Variants in RIPK4 observed in about 807,000 individuals in gnomAD.
RIPK4 encodes the protein receptor interacting serine/threonine kinase 4.
Under a neutral mutation model 42.9 loss-of-function variants are expected in RIPK4, and 17 were observed. That is an observed-to-expected ratio of 0.40 (90% CI 0.27 to 0.59). The LOEUF is 0.59. Ranked by LOEUF, RIPK4 falls within the 20% of genes least tolerant of loss-of-function variation. RIPK4 has a pLI of 0.47. For synonymous variants in RIPK4, 498 were observed against 499.1 expected (o/e 1.00, Z 0.03); for missense variants, 897 against 1,104.4 (o/e 0.81, Z 2.66).
In RIPK4 at chr21:41,740,724, G is replaced by A; in HGVS notation, c.*114C>T. Reference sequence around the variant, plus strand: ...GATGGCACCATGTCACCTCTGCTTGGTTAACATTTAGGTAAGCCACAACAG... The same window carrying A: ...GATGGCACCATGTCACCTCTGCTTGATTAACATTTAGGTAAGCCACAACAG... On this transcript the variant is annotated 3_prime_UTR_variant, in exon 8 of 8. Coordinates refer to ENST00000332512, the MANE Select transcript of RIPK4 (RefSeq NM_020639.3). The A allele has an allele frequency of 1.9e-6, 2 of 1,065,424 alleles. No individual in the cohort carries two copies. The highest frequency in any genetic ancestry group is 2.6e-5 in the East Asian group (1 of 38,290). The allele number at this position is 1,065,424 out of a possible 1,614,324, so 66.0% of individuals were successfully genotyped here. A position where few individuals can be genotyped will look rare whatever the true frequency, so the allele number is the denominator to read the frequency against.
At chr21:41,754,438 C>T (rs1160803608) in intron 2 of RIPK4, among the ~76,000 whole-genome samples, 1 of 152,214 alleles carries the variant, frequency 6.6e-6, no homozygotes, top group Non-Finnish European at 1.5e-5. Context: ...TACACAGGGC[C>T]CTAAGATGTC....
At chr21:41,760,285 C>T (rs1569106874) in intron 1 of RIPK4, among the ~76,000 whole-genome samples, 1 of 152,214 alleles carries the variant, frequency 6.6e-6, no homozygotes, top group Admixed American at 6.5e-5. Context: ...TCGCTTGAAT[C>T]CACCATATGT....
chr21:41,740,969 C>T lies in RIPK4; in HGVS notation c.2224G>A (p.Ala742Thr), dbSNP rs1039685088. 1 of 1,611,884 alleles carries T rather than the reference C, an allele frequency of 6.2e-7. No homozygotes were observed. Among genetic ancestry groups the T allele is most frequent in the African/African-American group, 1.3e-5 (1 of 74,930 alleles). ...GTCTGTGCGTGCCGGCCCTGGGCGG[C>T]CAGGTGCAGCGCGCTGAGCCCCTGC... ...DEQGLSALHL[A>T]AQGRHAQTVE... Residue 742 changes from alanine to threonine, a missense_variant, in exon 8 of 8, where the codon GCC becomes ACC. Ala to Thr is a moderately conservative substitution (Grantham distance 58, BLOSUM62 0). Transcript: ENST00000332512.
Position 41,740,528 on chromosome 21 carries a change from G to A in RIPK4, c.*310C>T. 1 of 368,454 alleles carries A rather than the reference G, an allele frequency of 2.7e-6. No homozygotes were observed. The highest frequency in any genetic ancestry group is 4.9e-6 in the Non-Finnish European group (1 of 204,324). The allele number at this position is 368,454 out of a possible 1,614,324, so 22.8% of individuals were successfully genotyped here. A position where few individuals can be genotyped will look rare whatever the true frequency, so the allele number is the denominator to read the frequency against. ...GAGAGAGTGGATGCTTCCACGCCTG[G>A]GGCTTCATCACTGAGAGACCAGCCT... On this transcript the variant is annotated 3_prime_UTR_variant, in exon 8 of 8. Coordinates refer to ENST00000332512, the MANE Select transcript of RIPK4 (RefSeq NM_020639.3).
chr21:41,752,876 G>A (rs973317658), intron 2 of RIPK4, among the ~76,000 whole-genome samples: 1 of 152,114 alleles, frequency 6.6e-6, no homozygotes, highest in Non-Finnish European at 1.5e-5. Context: ...TAATGCATGC[G>A]GGTCTTAAAA....
intron 2 of RIPK4, among the ~76,000 whole-genome samples, chr21:41,756,076 C>G (rs2061202439): frequency 6.6e-6 from 1 of 152,162 alleles, no homozygotes. Context: ...ACTTTGAGGA[C>G]CCCACTGCAG....
intron 2 of RIPK4, among the ~76,000 whole-genome samples, chr21:41,754,413 T>TGTCACAAAA (rs1404788681): frequency 1.3e-5 from 2 of 152,238 alleles, no homozygotes; most frequent in Non-Finnish European, 1.5e-5. Context: ...CAATCTTTCC[T>TGTCACAAAA]GCGGCCTGTC....
chr21:41,750,388 C>CA (rs945332321), intron 3 of RIPK4, among the ~76,000 whole-genome samples: 1 of 152,238 alleles, frequency 6.6e-6, no homozygotes, highest in Non-Finnish European at 1.5e-5. Flanking sequence ...CTCTGACCAA[C>CA]AAAGGTTAAG....
At chr21:41,764,232 C>T (rs2061229619) in intron 1 of RIPK4, among the ~76,000 whole-genome samples, 2 of 152,194 alleles carry the variant, frequency 1.3e-5, no homozygotes, top group East Asian at 1.9e-4. Flanking sequence ...AAACAAGCCC[C>T]GAGCAGGTGC....
chr21:41,750,320 T>C (rs1172569392), intron 3 of RIPK4, among the ~76,000 whole-genome samples: 1 of 152,238 alleles, frequency 6.6e-6, no homozygotes, highest in Non-Finnish European at 1.5e-5. Flanking sequence ...AAGAAGTCTG[T>C]GTGATTAAGA....
In RIPK4 at chr21:41,766,961, C is replaced by G; in HGVS notation, c.81G>C (p.Lys27Asn). 6.2e-7 allele frequency: 1 copy of G among 1,604,462 alleles called. No homozygotes were observed. The highest frequency in any genetic ancestry group is 8.5e-7 in the Non-Finnish European group (1 of 1,176,428). Residue 27 changes from lysine to asparagine, a missense_variant, in exon 1 of 8, where the codon AAG (lysine) becomes AAC (asparagine). Physicochemically the swap from Lys to Asn is moderately conservative, Grantham distance 94 (BLOSUM62 0). Coordinates refer to ENST00000332512, the MANE Select transcript of RIPK4 (RefSeq NM_020639.3). ...CCTGCCCGAAGCCGCCCGAGCCCAC[C>G]TTCTCCCAGCCCGTGAACTCGCCCG... The part of the protein sequence containing the change: ...FDAGEFTGWE[K>N]VGSGGFGQVY...
intron 2 of RIPK4, among the ~76,000 whole-genome samples, chr21:41,754,873 G>T (rs902347248): frequency 1.3e-5 from 2 of 152,204 alleles, no homozygotes; most frequent in African/African-American, 4.8e-5. Context: ...TCTCTGCTCC[G>T]TGACTTACAG....
rs1313714909 is a variant in RIPK4, at chr21:41,741,222, C to T, written c.1971G>A (p.Leu657=). 2.5e-6 allele frequency: 4 copies of T among 1,608,892 alleles called. No homozygotes were observed. Among genetic ancestry groups the T allele is most frequent in the Non-Finnish European group, 1.7e-6 (2 of 1,178,268 alleles). The stretch of plus-strand genomic sequence containing the variant: ...TGGCCTCCTTGCCAGCGCCCCGATG[C>T]AGGAGCAGCCTGGCAGTGCTCGTGT... The part of the protein sequence containing the change: ...TGHTSTARLL[L]HRGAGKEAMT... Residue 657 remains leucine (L), a synonymous_variant, in exon 8 of 8, where the codon CTG becomes CTA. Transcript: ENST00000332512.
In RIPK4 at chr21:41,746,711, G is replaced by A. The variant is rs764538906; in HGVS notation, c.734C>T (p.Pro245Leu). ...GCGCGGCCGGGCTCTGCACACGGGC[G>A]GCAGCTCGGGGCGGTGGCCCTTCAC... ...KVVKGHRPEL[P>L]PVCRARPRAC... Residue 245 changes from proline (P) to leucine (L), a missense_variant, in exon 5 of 8, where the codon CCG (proline) becomes CTG (leucine). Coordinates refer to ENST00000332512, the MANE Select transcript of RIPK4 (RefSeq NM_020639.3). 5.6e-6 allele frequency: 9 copies of A among 1,609,472 alleles called. No individual in the cohort carries two copies. Among genetic ancestry groups the A allele is most frequent in the South Asian group, 2.2e-5 (2 of 90,930 alleles).
rs1569100181 is a variant in RIPK4 at position 41,744,006 on chromosome 21, G to A, written c.1071C>T (p.Ser357=). ...VEGPEELSRS[S]SESKLPSSGS... ...CGGACGATGGCAGCTTGGACTCAGA[G>A]GAGCTGCGGCTGAGCTCCTCGGGGC... The change falls in exon 7 of 8, where the codon TCC becomes TCT. Residue 357 remains serine (S), a synonymous_variant. Transcript: ENST00000332512. The A allele has an allele frequency of 6.2e-7, 1 of 1,613,348 alleles. No individual in the cohort carries two copies. The highest frequency in any genetic ancestry group is 8.5e-7 in the Non-Finnish European group (1 of 1,180,034).
Position 41,742,131 on chromosome 21 carries a change from G to A in RIPK4, c.1196-134C>T, listed in dbSNP as rs1339461360. 2.5e-6 allele frequency: 2 copies of A among 792,574 alleles called. No individual in the cohort carries two copies. Among genetic ancestry groups the A allele is most frequent in the Non-Finnish European group, 4.1e-6 (2 of 492,856 alleles). 49.1% of individuals were successfully genotyped at this position (792,574 alleles called of 1,614,324 possible). On this transcript the variant is annotated intron_variant, in intron 7 of 7. Coordinates refer to ENST00000332512, the MANE Select transcript of RIPK4 (RefSeq NM_020639.3). The surrounding 1 kb of genome is among the most constrained non-coding windows in gnomAD (Gnocchi z 5.1). Reference sequence around the variant, plus strand: ...GGCTGCTCGCTGGTCACCCGACTGTGTTTGAGCGTTGTCTGTGCCTCGTGA... The same window carrying A: ...GGCTGCTCGCTGGTCACCCGACTGTATTTGAGCGTTGTCTGTGCCTCGTGA...
At chr21:41,758,041 T>TAGAGAG (rs71188681) in intron 1 of RIPK4, among the ~76,000 whole-genome samples, 66 of 58,470 alleles carry the variant, frequency 1.1e-3, no homozygotes, top group Non-Finnish European at 1.2e-3. Flanking sequence ...TATATATATA[T>TAGAGAG]AGAGAGAGAG....
chr21:41,763,270 G>A (rs1332485070), intron 1 of RIPK4, among the ~76,000 whole-genome samples: 1 of 152,088 alleles, frequency 6.6e-6, no homozygotes, highest in Non-Finnish European at 1.5e-5. Context: ...AGTGTATTTC[G>A]CCCTCCCAGG....
chr21:41,764,350 A>G (rs1232850113), intron 1 of RIPK4, among the ~76,000 whole-genome samples: 1 of 152,070 alleles, frequency 6.6e-6, no homozygotes, highest in Non-Finnish European at 1.5e-5. Context: ...AATCAGCCTC[A>G]CCTGCACCTG....
Sources: allele counts gnomAD v4.1 joint callset (sites outside exome capture counted in the v4.1 genomes callset), GRCh38; gene constraint gnomAD v4.1.1; non-coding constraint Gnocchi (gnomAD v3.1); transcripts MANE v1.5; gene names NCBI Gene and HGNC (gene_info 2026-07-23, HGNC 2026-07-21).